ZNF367: variants seen among roughly 807,000 people sequenced by gnomAD.
ZNF367 encodes the protein zinc finger protein 367.
ZNF367 carries 11 observed loss-of-function variants against 31.8 expected under a neutral mutation model. The ratio of observed to expected loss-of-function variants is 0.35; its 90% CI spans 0.22 to 0.57. ZNF367 has a LOEUF of 0.57. ZNF367 is among the 20% of genes least tolerant of loss of function. The pLI is 0.85. For missense variants in ZNF367, 353 were observed against 484.1 expected (o/e 0.73, Z 2.54); for synonymous variants, 199 against 202.4 (o/e 0.98, Z 0.14).
intron 1 of ZNF367, chr9:96,407,249 C>A: frequency 8.2e-7 from 1 of 1,213,158 alleles, no homozygotes; most frequent in Non-Finnish European, 1.2e-6. Context: ...TTTCGCACCC[C>A]AGGGGCTGCT....
At position 96,417,694 on chromosome 9, in the gene ZNF367, CG is replaced by C; in HGVS notation, c.338del (p.Pro113ArgfsTer44). 8.8e-7 allele frequency: 1 copy of C among 1,132,408 alleles called. No homozygotes were observed. Among genetic ancestry groups the C allele is most frequent in the Non-Finnish European group, 1.1e-6 (1 of 907,114 alleles). 70.1% of individuals were successfully genotyped at this position (1,132,408 alleles called of 1,614,324 possible). A position where few individuals can be genotyped will look rare whatever the true frequency, so the allele number is the denominator to read the frequency against. On this transcript the variant is annotated frameshift_variant, in exon 1 of 5. Coordinates refer to ENST00000375256, the MANE Select transcript of ZNF367 (RefSeq NM_153695.4). LOFTEE classifies it high-confidence loss of function. The surrounding 1 kb of genome is among the most constrained non-coding windows in gnomAD (Gnocchi z 5.0). ...CGGCGGCGGAGGCCGAGGCGGCGGG[CG>C]GGGGCGCGCCCCGGCCACGAAGCCC... ...HSGLRGRGAP[P>X]PAASASAAAS... is the part of the protein sequence containing the mutation.
intron 1 of ZNF367, among the ~76,000 whole-genome samples, chr9:96,414,997 T>A (rs542002357): frequency 9.2e-5 from 14 of 152,064 alleles, no homozygotes; most frequent in East Asian, 1.9e-4. Context: ...GTGTTTTTTT[T>A]AAAAGACTAA....
chr9:96,402,372 C>T (rs1431588803), intron 1 of ZNF367, among the ~76,000 whole-genome samples: 1 of 150,890 alleles, frequency 6.6e-6, no homozygotes, highest in East Asian at 1.9e-4. Flanking sequence ...CAAAAGGTGA[C>T]AGAATTAAAA....
rs764229416 is a variant in ZNF367 at position 96,417,593 on chromosome 9, C to A, written c.420+20G>T. ...CCGGCTGCCCCACGTCCCGCCCGCC[C>A]GCCCGCCCGCGCCGCTCACCTTGAG... On this transcript the variant is annotated intron_variant, in intron 1 of 4. Coordinates refer to ENST00000375256, the MANE Select transcript of ZNF367 (RefSeq NM_153695.4). The surrounding 1 kb of genome is among the most constrained non-coding windows in gnomAD (Gnocchi z 5.0). 4.1e-6 allele frequency: 2 copies of A among 489,906 alleles called. No individual in the cohort carries two copies. Among genetic ancestry groups the A allele is most frequent in the Non-Finnish European group, 6.3e-6 (2 of 319,690 alleles). The allele number at this position is 489,906 out of a possible 1,614,324, so 30.3% of individuals were successfully genotyped here.
Sources: gnomAD v4.1 joint callset for allele counts (sites outside exome capture counted in the v4.1 genomes callset) on GRCh38, gnomAD v4.1.1 for gene constraint, Gnocchi (gnomAD v3.1) non-coding constraint, MANE v1.5 for transcripts, NCBI Gene and HGNC (gene_info 2026-07-23, HGNC 2026-07-21) for gene names.